PREX1: variants seen among roughly 807,000 people sequenced by gnomAD.
The protein encoded by PREX1 is phosphatidylinositol 3,4,5-trisphosphate-dependent Rac exchanger 1 protein.
PREX1 carries 41 observed loss-of-function variants against 198.3 expected under a neutral mutation model. The ratio of observed to expected loss-of-function variants is 0.21; its 90% CI spans 0.16 to 0.27. The LOEUF (loss-of-function observed/expected upper bound fraction) is 0.27. Ranked by LOEUF, PREX1 falls within the 10% of genes least tolerant of loss-of-function variation. The pLI, the probability that PREX1 is intolerant of heterozygous loss-of-function variation, is 1.00. For synonymous variants in PREX1, 843 were observed against 887.2 expected, an observed-to-expected ratio of 0.95 and a Z score of 0.89; for missense variants, 1,620 against 2,200.7, an observed-to-expected ratio of 0.74 and a Z score of 5.28.
chr20:48,670,772 A>C (rs1478959099), intron 14 of PREX1, among the ~76,000 whole-genome samples: 1 of 152,218 alleles, frequency 6.6e-6, no homozygotes, highest in African/African-American at 2.4e-5. Flanking sequence ...AGCGATCATT[A>C]ATACCAAGCG....
At chr20:48,808,764 G>A (rs1323115220) in intron 1 of PREX1, among the ~76,000 whole-genome samples, 1 of 152,176 alleles carries the variant, frequency 6.6e-6, no homozygotes, top group East Asian at 1.9e-4. Context: ...ACCTCCCATT[G>A]CTCTGCCCCT....
chr20:48,785,422 C>T (rs139110455), intron 1 of PREX1, among the ~76,000 whole-genome samples: 3 of 152,324 alleles, frequency 2.0e-5, no homozygotes, highest in African/African-American at 7.2e-5. Flanking sequence ...AGATGCTGAG[C>T]GCCACTGGTA....
intron 1 of PREX1, among the ~76,000 whole-genome samples, chr20:48,752,182 A>C (rs1184555147): frequency 6.6e-6 from 1 of 152,254 alleles, no homozygotes; most frequent in Non-Finnish European, 1.5e-5. Flanking sequence ...GAATCATTAC[A>C]GAGAGAGGTG....
chr20:48,637,810 A>G (rs2089377016), intron 30 of PREX1, 58 bp from the exon 31 acceptor site: 1 of 1,514,534 alleles, frequency 6.6e-7, no homozygotes, highest in African/African-American at 1.4e-5. Context: ...GCAAGAGGTG[A>G]GGGCAGAACC....
chr20:48,863,107 C>T, the PREX1 span, among the ~76,000 whole-genome samples: 10 of 152,248 alleles, frequency 6.6e-5, no homozygotes, highest in East Asian at 1.9e-4. Flanking sequence ...GGATTATAGG[C>T]GTAAGCCACT....
the PREX1 span, among the ~76,000 whole-genome samples, chr20:48,878,026 T>G: frequency 6.6e-6 from 1 of 152,050 alleles, no homozygotes; most frequent in Non-Finnish European, 1.5e-5. Flanking sequence ...GGATAATCGC[T>G]TGAACCCAGG....
rs890643532 is a variant in PREX1, at chr20:48,625,736, C to T, written c.*149G>A. 8.1e-6 allele frequency: 8 copies of T among 993,494 alleles called. No homozygotes were observed. The highest frequency in any genetic ancestry group is 5.2e-5 in the African/African-American group (3 of 57,988). The allele number at this position is 993,494 out of a possible 1,614,324, so 61.5% of individuals were successfully genotyped here. On this transcript the variant is annotated 3_prime_UTR_variant, in exon 40 of 40. Coordinates refer to ENST00000371941, the MANE Select transcript of PREX1 (RefSeq NM_020820.4). ...ACAGCGAGGGTGGCCAGGCTTGTCC[C>T]GGAAGGAGGCAGGGAGGACGCTGGG...
chr20:48,762,899 C>A (rs2090189327), intron 1 of PREX1, among the ~76,000 whole-genome samples: 1 of 152,140 alleles, frequency 6.6e-6, no homozygotes, highest in African/African-American at 2.4e-5. Context: ...GACAGGGTTT[C>A]ACTATGTTGG....
intron 17 of PREX1, among the ~76,000 whole-genome samples, chr20:48,657,846 C>A (rs550863492): frequency 6.6e-6 from 1 of 152,354 alleles, no homozygotes; most frequent in Non-Finnish European, 1.5e-5. Flanking sequence ...TGACTGGTTG[C>A]AGAAAACTGA....
chr20:48,663,403 T>C (rs1297537146), intron 15 of PREX1, among the ~76,000 whole-genome samples: 1 of 152,210 alleles, frequency 6.6e-6, no homozygotes, highest in Non-Finnish European at 1.5e-5. Flanking sequence ...GGCGCATGCC[T>C]GTAATCCTAG....
the PREX1 span, among the ~76,000 whole-genome samples, chr20:48,866,208 T>C: frequency 6.6e-6 from 1 of 152,210 alleles, no homozygotes; most frequent in African/African-American, 2.4e-5. Context: ...GGCTAAACTT[T>C]TAATTTTTTA....
chr20:48,878,861 G>T, the PREX1 span, among the ~76,000 whole-genome samples: 1 of 152,176 alleles, frequency 6.6e-6, no homozygotes, highest in Non-Finnish European at 1.5e-5. Context: ...AACCTTTATT[G>T]GGATGATTAG....
rs749148297 is a variant in PREX1 at position 48,744,949 on chromosome 20, G to A, written c.414+76C>T. Reference sequence around the variant, plus strand: ...GCCTACAGAGGAAGCTGGTGAAGGCGGATGGGGCAGGGACCCAGGGAGAAG... The same window carrying A: ...GCCTACAGAGGAAGCTGGTGAAGGCAGATGGGGCAGGGACCCAGGGAGAAG... On this transcript the variant is annotated intron_variant, in intron 3 of 39. Transcript: ENST00000371941. 239 of 1,554,834 alleles carry A rather than the reference G, an allele frequency of 1.5e-4. 1 individual carries two copies. Among genetic ancestry groups the A allele is most frequent in the African/African-American group, 2.5e-4 (18 of 73,386 alleles).
chr20:48,759,494 G>A (rs2090169407), intron 1 of PREX1, among the ~76,000 whole-genome samples: 2 of 128,506 alleles, frequency 1.6e-5, no homozygotes, highest in Admixed American at 2.0e-4. Flanking sequence ...AGGTTACAAT[G>A]AACTGAAATC....
chr20:48,734,007 C>G (rs983168519), intron 4 of PREX1, among the ~76,000 whole-genome samples: 2 of 152,190 alleles, frequency 1.3e-5, no homozygotes, highest in Non-Finnish European at 2.9e-5. Flanking sequence ...CCCGCCTCGG[C>G]CTCCCAAGTG....
chr20:48,700,982 C>A, intron 6 of PREX1, 96 bp from the exon 7 acceptor site: 1 of 1,519,310 alleles, frequency 6.6e-7, no homozygotes, highest in Non-Finnish European at 9.0e-7. Context: ...TGCCACATGC[C>A]AAAAACTCCA....
chr20:48,712,496 TG>T (rs1159377191), intron 5 of PREX1, among the ~76,000 whole-genome samples: 1 of 152,206 alleles, frequency 6.6e-6, no homozygotes, highest in Non-Finnish European at 1.5e-5. Context: ...TCCCAAACCC[TG>T]GAAGTTGGAA....
chr20:48,696,949 C>G (rs1040117632), intron 7 of PREX1, among the ~76,000 whole-genome samples: 2 of 148,672 alleles, frequency 1.3e-5, no homozygotes, highest in Admixed American at 6.7e-5. Context: ...TCCATAATCA[C>G]GAGTCAACTG....
At chr20:48,683,204 T>C (rs982079585) in intron 10 of PREX1, among the ~76,000 whole-genome samples, 3 of 152,198 alleles carry the variant, frequency 2.0e-5, no homozygotes, top group Admixed American at 6.5e-5. Context: ...GCCCACCAGC[T>C]GTCTAATTGG....
Sources: gnomAD v4.1 joint callset for allele counts (sites outside exome capture counted in the v4.1 genomes callset) on GRCh38, gnomAD v4.1.1 for gene constraint, MANE v1.5 for transcripts, NCBI Gene and HGNC (gene_info 2026-07-23, HGNC 2026-07-21) for gene names.